The following KIF13A variants were observed in gnomAD, a reference collection of about 807,000 sequenced individuals.
The protein encoded by KIF13A is kinesin-like protein KIF13A.
In KIF13A, 79 loss-of-function variants were observed where a neutral mutation model predicts 212.2. The ratio of observed to expected loss-of-function variants is 0.37; its 90% CI spans 0.31 to 0.45. KIF13A has a LOEUF of 0.45. Ranked by LOEUF, KIF13A falls within the 20% of genes least tolerant of loss-of-function variation. The probability of loss-of-function intolerance (pLI) is 1.00; values close to 1 mark genes in which losing one functional copy is unlikely to be tolerated. For synonymous variants in KIF13A, 789 were observed against 808.6 expected (o/e 0.98, Z 0.41); for missense variants, 1,901 against 2,209.0 (o/e 0.86, Z 2.79).
intron 6 of KIF13A, among the ~76,000 whole-genome samples, chr6:17,854,135 T>C (rs1361134397): frequency 2.0e-5 from 3 of 152,196 alleles, no homozygotes; most frequent in Admixed American, 2.0e-4. Flanking sequence ...TGCACCAAAG[T>C]GTAACAGTGG....
At chr6:17,821,974 T>A in intron 16 of KIF13A, 1 of 1,510,040 alleles carries the variant, frequency 6.6e-7, no homozygotes, top group Non-Finnish European at 8.9e-7. Flanking sequence ...CATCAGAGAC[T>A]GTGTGTATGC....
In KIF13A at chr6:17,811,297, C is replaced by T. The variant is rs1013635443; in HGVS notation, c.2001-2367G>A. 9.9e-5 allele frequency among the ~76,000 whole-genome samples: 15 copies of T among 152,196 alleles called. No individual in the cohort carries two copies. Among genetic ancestry groups the T allele is most frequent in the Admixed American group, 9.8e-4 (15 of 15,296 alleles). ...AATACATTCACACAATCAATGCATA[C>T]AATATTTACTAAATACCTACCAGGT... is the stretch of plus-strand genomic sequence containing the variant. On this transcript the variant is annotated intron_variant, in intron 17 of 38. Transcript: ENST00000259711. This position sits in a 1 kb window ranked among gnomAD's most constrained non-coding sequence, Gnocchi z 6.0.
intron 26 of KIF13A, among the ~76,000 whole-genome samples, chr6:17,788,585 C>CGT (rs1279437426): frequency 6.6e-6 from 1 of 152,146 alleles, no homozygotes; most frequent in African/African-American, 2.4e-5. Flanking sequence ...GGTTTTTCTT[C>CGT]GTGGAATTAT....
At chr6:17,824,313 C>T (rs1268417061) in intron 16 of KIF13A, among the ~76,000 whole-genome samples, 2 of 152,226 alleles carry the variant, frequency 1.3e-5, no homozygotes, top group Admixed American at 6.5e-5. Context: ...ACAGAATCCC[C>T]AATTTGATAT....
At chr6:17,800,981 C>G (rs941868191) in intron 20 of KIF13A, among the ~76,000 whole-genome samples, 1 of 151,984 alleles carries the variant, frequency 6.6e-6, no homozygotes, top group African/African-American at 2.4e-5. Flanking sequence ...ATCTGCCTGC[C>G]TCGGCCTCCC....
rs923207975 is a variant in KIF13A, at chr6:17,963,615, C to T, written c.146+23439G>A. On this transcript the variant is annotated intron_variant, in intron 2 of 38. Coordinates refer to ENST00000259711, the MANE Select transcript of KIF13A (RefSeq NM_022113.6). This position sits in a 1 kb window ranked among gnomAD's most constrained non-coding sequence, Gnocchi z 4.1. Reference sequence around the variant, plus strand: ...CTGTGTCGCCTAGGCTGGAGTGCTGCGCGTGATCGCAGCTTACTGCAACCT... The same window carrying T: ...CTGTGTCGCCTAGGCTGGAGTGCTGTGCGTGATCGCAGCTTACTGCAACCT... 6.6e-6 allele frequency among the ~76,000 whole-genome samples: 1 copy of T among 152,118 alleles called. No homozygotes were observed. The highest frequency in any genetic ancestry group is 1.5e-5 in the Non-Finnish European group (1 of 68,024).
Position 17,900,225 on chromosome 6 carries a change from T to C in KIF13A, c.147-2045A>G, listed in dbSNP as rs765727370. On this transcript the variant is annotated intron_variant, in intron 2 of 38. Transcript: ENST00000259711. The surrounding 1 kb of genome is among the most constrained non-coding windows in gnomAD (Gnocchi z 4.6). ...GTGAGCTCTCTGGAGTTCTCTTATG[T>C]GCCCTTTATGCCACAGCCACAGCAC... is the stretch of plus-strand genomic sequence containing the variant. 1.3e-5 allele frequency among the ~76,000 whole-genome samples: 2 copies of C among 152,194 alleles called. No individual in the cohort carries two copies. The highest frequency in any genetic ancestry group is 2.9e-5 in the Non-Finnish European group (2 of 68,034).
chr6:17,781,211 A>G lies in KIF13A; in HGVS notation c.3635T>C (p.Phe1212Ser). The change falls in exon 30 of 39, where the codon TTC (phenylalanine) becomes TCC (serine). Residue 1212 changes from phenylalanine (F) to serine (S), a missense_variant. Around this residue, in one of 5 missense-constraint regions of KIF13A, gnomAD observed 687 missense variants for 759.1 expected, o/e 0.90. Transcript: ENST00000259711. Reference protein sequence around the residue: ...ILPKEHGSQFFYLPIIKHSDD... With the variant: ...ILPKEHGSQFSYLPIIKHSDD... ...ACTGTGCTTTATGATGGGCAGGTAG[A>G]AAAACTGGCTGCCATGCTCCTTGGG... The G allele has an allele frequency of 6.2e-7, 1 of 1,613,930 alleles. No individual in the cohort carries two copies.
At chr6:17,812,632 T>C (rs1763528114) in intron 17 of KIF13A, 1 of 152,240 alleles carries the variant, frequency 6.6e-6, no homozygotes, top group Admixed American at 6.5e-5. Context: ...AGCACTGCAA[T>C]GAATATACAT....
chr6:17,860,717 C>T (rs1768682915), intron 4 of KIF13A, among the ~76,000 whole-genome samples: 2 of 149,548 alleles, frequency 1.3e-5, no homozygotes, highest in East Asian at 2.0e-4. Context: ...CAGAGTGAGA[C>T]TCTGTCTCAA....
chr6:17,953,573 C>A (rs1778069336), intron 2 of KIF13A: 3 of 152,290 alleles, frequency 2.0e-5, no homozygotes, highest in Admixed American at 2.0e-4. Context: ...ACCGGCATGG[C>A]CGAAGAAGGC....
At chr6:17,913,108 T>C (rs1258035340) in intron 2 of KIF13A, among the ~76,000 whole-genome samples, 2 of 151,540 alleles carry the variant, frequency 1.3e-5, no homozygotes, top group South Asian at 2.1e-4. Flanking sequence ...TATATATATA[T>C]ATTTATATAT....
chr6:17,975,509 A>AT (rs1381839790), intron 2 of KIF13A, among the ~76,000 whole-genome samples: 3 of 152,204 alleles, frequency 2.0e-5, no homozygotes, highest in African/African-American at 7.2e-5. Context: ...GTAGGCCCAA[A>AT]AAGGGAGCAG....
intron 16 of KIF13A, 87 bp from the exon 17 acceptor site, chr6:17,817,320 C>T: frequency 1.7e-6 from 2 of 1,153,408 alleles, no homozygotes; most frequent in Admixed American, 3.8e-5. Flanking sequence ...GGGAGGCTTC[C>T]TCTAGCAAGG....
intron 2 of KIF13A, among the ~76,000 whole-genome samples, chr6:17,942,143 AAC>A (rs1777008826): frequency 6.6e-6 from 1 of 151,900 alleles, no homozygotes. Flanking sequence ...TCTATAAAAA[AAC>A]ACAAAAATTA....
At chr6:17,975,250 G>T (rs72839139) in intron 2 of KIF13A, among the ~76,000 whole-genome samples, 1 of 152,204 alleles carries the variant, frequency 6.6e-6, no homozygotes, top group Non-Finnish European at 1.5e-5. Flanking sequence ...CTACTCGGAA[G>T]GCTCAGGCAG....
chr6:17,840,194 T>C (rs1766376211), intron 9 of KIF13A, among the ~76,000 whole-genome samples: 1 of 152,172 alleles, frequency 6.6e-6, no homozygotes, highest in South Asian at 2.1e-4. Flanking sequence ...TGCTACTGAA[T>C]TGAACACTTT....
At chr6:17,760,487 T>G (rs932581171), downstream of KIF13A, 1 of 215,734 alleles carries the variant, frequency 4.6e-6, no homozygotes, top group African/African-American at 2.3e-5. Flanking sequence ...TGACTCCAGA[T>G]TCTACAGTAA....
chr6:17,787,912 G>A lies in KIF13A; in HGVS notation c.3262-37C>T. 9.2e-7 allele frequency: 1 copy of A among 1,083,216 alleles called. No homozygotes were observed. Among genetic ancestry groups the A allele is most frequent in the Non-Finnish European group, 1.4e-6 (1 of 715,322 alleles). 67.1% of individuals were successfully genotyped at this position (1,083,216 alleles called of 1,614,324 possible). Reference sequence around the variant, plus strand: ...GAGGGAAAATATTTTCCTGTAGACTGCACAGACAACGATTTCTTTCTTTCT... The same window carrying A: ...GAGGGAAAATATTTTCCTGTAGACTACACAGACAACGATTTCTTTCTTTCT... On this transcript the variant is annotated intron_variant, in intron 26 of 38. Coordinates refer to ENST00000259711, the MANE Select transcript of KIF13A (RefSeq NM_022113.6). This position sits in a 1 kb window ranked among gnomAD's most constrained non-coding sequence, Gnocchi z 4.6.
Sources: allele counts gnomAD v4.1 joint callset (sites outside exome capture counted in the v4.1 genomes callset), GRCh38; gene constraint gnomAD v4.1.1; regional missense constraint gnomAD v4.1.1; non-coding constraint Gnocchi (gnomAD v3.1); transcripts MANE v1.5; gene names NCBI Gene and HGNC (gene_info 2026-07-23, HGNC 2026-07-21).